NEK10: variants seen among roughly 807,000 people sequenced by gnomAD.
NEK10 encodes serine/threonine-protein kinase Nek10.
Under a neutral mutation model 159.8 loss-of-function variants are expected in NEK10, and 122 were observed. That is an observed-to-expected ratio of 0.76 (90% confidence interval 0.66 to 0.89). The LOEUF is 0.89. NEK10 is among the 40% of genes least tolerant of loss of function. The pLI is 0.00. For synonymous variants in NEK10, 466 were observed against 457.1 expected, an observed-to-expected ratio of 1.02 and a Z score of -0.25; for missense variants, 1,342 against 1,323.1, an observed-to-expected ratio of 1.01 and a Z score of -0.22.
chr3:27,324,525 C>A (rs2045879852), intron 5 of NEK10, among the ~76,000 whole-genome samples: 1 of 152,162 alleles, frequency 6.6e-6, no homozygotes, highest in South Asian at 2.1e-4. Context: ...TTTGCCAATT[C>A]CTCAGCAAAT....
intron 31 of NEK10, among the ~76,000 whole-genome samples, chr3:27,135,454 C>T (rs944969015): frequency 6.6e-6 from 1 of 151,946 alleles, no homozygotes; most frequent in African/African-American, 2.4e-5. Flanking sequence ...TAATGAAAGC[C>T]GATCTGCATG....
In NEK10 at chr3:27,365,619, T is replaced by TTG. The variant is rs1553655353; in HGVS notation, c.-38+3605_-38+3606insCA. On this transcript the variant is annotated intron_variant, in intron 1 of 35. Transcript: ENST00000691995. ...TGTGTTTTTTTTTTGTGTTTTTTTT[T>TTG]TTTTTTTTTTTGAGATGGAGTCTTG... Among the ~76,000 whole-genome samples, 244 of 137,870 alleles carry TTG rather than the reference T, an allele frequency of 1.8e-3. 2 individuals carry two copies. The highest frequency in any genetic ancestry group is 5.3e-3 in the African/African-American group (192 of 36,270). 90.4% of individuals were successfully genotyped at this position (137,870 alleles called of 152,430 possible).
chr3:27,165,226 CT>C (rs1201481711), intron 29 of NEK10, among the ~76,000 whole-genome samples: 3 of 152,180 alleles, frequency 2.0e-5, no homozygotes, highest in Non-Finnish European at 4.4e-5. Context: ...GTCAATTTCT[CT>C]GGAAATTATA....
intron 23 of NEK10, among the ~76,000 whole-genome samples, chr3:27,204,292 T>G (rs1167967969): frequency 1.0e-4 from 11 of 106,390 alleles, no homozygotes; most frequent in South Asian, 6.0e-4. Context: ...TTTTTTTTTT[T>G]TTGTTGTTGT....
rs2041286821 is a variant in NEK10 at position 27,270,937 on chromosome 3, T to G, written c.2014+13665A>C. Among the ~76,000 whole-genome samples, 2 of 152,200 alleles carry G rather than the reference T, an allele frequency of 1.3e-5. 1 individual carries two copies. Among genetic ancestry groups the G allele is most frequent in the South Asian group, 4.1e-4 (2 of 4,826 alleles). On this transcript the variant is annotated intron_variant, in intron 22 of 35. Coordinates refer to ENST00000691995, the MANE Select transcript of NEK10 (RefSeq NM_001394966.1). ...TTACATTTATTTAATTCTTAACATATTTCATTATCTGAAATTACTTTATGT... is the reference window on the plus strand; with the variant it reads ...TTACATTTATTTAATTCTTAACATAGTTCATTATCTGAAATTACTTTATGT...
At chr3:27,343,655 G>A (rs547159816) in intron 5 of NEK10, among the ~76,000 whole-genome samples, 24 of 152,244 alleles carry the variant, frequency 1.6e-4, no homozygotes, top group Admixed American at 1.2e-3. Flanking sequence ...AGCTCAGAAC[G>A]GACAGAAAAT....
chr3:27,353,662 G>A (rs2048129913), intron 1 of NEK10, among the ~76,000 whole-genome samples: 1 of 151,990 alleles, frequency 6.6e-6, no homozygotes. Context: ...ACAATAACAG[G>A]TACAATATTA....
chr3:27,236,507 G>T (rs1357497366), intron 23 of NEK10, among the ~76,000 whole-genome samples: 1 of 152,160 alleles, frequency 6.6e-6, no homozygotes, highest in South Asian at 2.1e-4. Context: ...TTCAATGTAG[G>T]TTCTATTTTC....
intron 29 of NEK10, among the ~76,000 whole-genome samples, chr3:27,168,053 A>C (rs1559543442): frequency 6.6e-6 from 1 of 152,172 alleles, no homozygotes; most frequent in Non-Finnish European, 1.5e-5. Flanking sequence ...GTTTATGCTT[A>C]AGCTTTCTCT....
intron 31 of NEK10, among the ~76,000 whole-genome samples, chr3:27,133,425 T>A (rs1942835245): frequency 6.6e-6 from 1 of 152,216 alleles, no homozygotes; most frequent in Non-Finnish European, 1.5e-5. Flanking sequence ...GGGCCCATTA[T>A]GAAGTACTGT....
Position 27,256,288 on chromosome 3 carries a change from GTCC to G in NEK10, c.2090+5_2090+7del, listed in dbSNP as rs1956159289. On this transcript the variant is annotated splice_donor_5th_base_variant and intron_variant, in intron 23 of 35. Coordinates refer to ENST00000691995, the MANE Select transcript of NEK10 (RefSeq NM_001394966.1). The stretch of plus-strand genomic sequence containing the variant: ...GATGTTTGAGAGCCATAAAAGAATT[GTCC>G]TTACCAAGAATACAGGATTGTTCCA... The G allele has an allele frequency of 7.0e-7, 1 of 1,428,894 alleles. No individual in the cohort carries two copies. Among genetic ancestry groups the G allele is most frequent in the Non-Finnish European group, 9.4e-7 (1 of 1,059,736 alleles). 88.5% of individuals were successfully genotyped at this position (1,428,894 alleles called of 1,614,324 possible).
intron 6 of NEK10, among the ~76,000 whole-genome samples, chr3:27,321,380 A>G (rs1559497904): frequency 6.6e-6 from 1 of 152,164 alleles, no homozygotes; most frequent in Non-Finnish European, 1.5e-5. Context: ...GAGAGGCACT[A>G]AAAACAGAGG....
chr3:27,268,817 T>C (rs2041107155), intron 22 of NEK10, among the ~76,000 whole-genome samples: 2 of 152,208 alleles, frequency 1.3e-5, no homozygotes, highest in African/African-American at 4.8e-5. Context: ...ATAGCTGCCA[T>C]AGATAGTGAC....
intron 31 of NEK10, among the ~76,000 whole-genome samples, chr3:27,140,613 G>A (rs184233907): frequency 1.3e-5 from 2 of 152,254 alleles, no homozygotes; most frequent in South Asian, 2.1e-4. Context: ...GGCCCAGTTG[G>A]TCCATTTAAC....
intron 3 of NEK10, among the ~76,000 whole-genome samples, chr3:27,350,052 A>T (rs1263807666): frequency 1.3e-5 from 2 of 152,152 alleles, no homozygotes; most frequent in Non-Finnish European, 2.9e-5. Context: ...TGCACTCTCT[A>T]CCTACAAGGT....
In NEK10 at chr3:27,150,719, G is replaced by T. The variant is rs554693573; in HGVS notation, c.2870-9137C>A. Among the ~76,000 whole-genome samples the T allele has an allele frequency of 2.0e-5, 3 of 152,256 alleles. No homozygotes were observed. In the South Asian group the frequency reaches 6.2e-4, roughly 32 times the overall value. On this transcript the variant is annotated intron_variant, in intron 30 of 35. Transcript: ENST00000691995. Reference sequence around the variant, plus strand: ...TCCATTCTGCAGTCCAATGATCAAGGAGTCATTTTGACTTTCAAGTCTTAT... The same window carrying T: ...TCCATTCTGCAGTCCAATGATCAAGTAGTCATTTTGACTTTCAAGTCTTAT...
chr3:27,120,497 AT>A (rs56343169), intron 32 of NEK10, among the ~76,000 whole-genome samples: 299 of 143,244 alleles, frequency 2.1e-3, no homozygotes, highest in African/African-American at 6.2e-3. Context: ...TAATTTTTGT[AT>A]TTTTTTTTTT....
At chr3:27,290,918 C>A (rs1242398074) in intron 18 of NEK10, among the ~76,000 whole-genome samples, 164 bp from the exon 19 acceptor site, 1 of 151,248 alleles carries the variant, frequency 6.6e-6, no homozygotes, top group Non-Finnish European at 1.5e-5. Context: ...TTAAGCTCAG[C>A]TCAAAACATC....
At chr3:27,144,847 G>A (rs540244991) in intron 30 of NEK10, among the ~76,000 whole-genome samples, 321 of 152,068 alleles carry the variant, frequency 2.1e-3, no homozygotes, top group African/African-American at 7.4e-3. Context: ...TCAGCCTCCC[G>A]TGTAGCTGGG....
Sources: allele counts gnomAD v4.1 joint callset (sites outside exome capture counted in the v4.1 genomes callset), GRCh38; gene constraint gnomAD v4.1.1; transcripts MANE v1.5; gene names NCBI Gene and HGNC (gene_info 2026-07-23, HGNC 2026-07-21).